NSD2: variants seen among roughly 807,000 people sequenced by gnomAD.
NSD2 encodes the protein histone-lysine N-methyltransferase NSD2.
A neutral mutation model predicts 139.0 loss-of-function variants in NSD2; 12 were observed. That is an observed-to-expected ratio of 0.09 (90% CI 0.06 to 0.14). The LOEUF (loss-of-function observed/expected upper bound fraction) is 0.14. NSD2 is among the 10% of genes least tolerant of loss of function. The probability of loss-of-function intolerance (pLI) is 1.00; values close to 1 mark genes in which losing one functional copy is unlikely to be tolerated. For synonymous variants in NSD2, 669 were observed against 648.7 expected (o/e 1.03, Z -0.48); for missense variants, 1,155 against 1,745.0 (o/e 0.66, Z 6.02).
chr4:1,943,039 C>T, intron 9 of NSD2: 4 of 1,050,660 alleles, frequency 3.8e-6, no homozygotes, highest in African/African-American at 1.7e-5. Flanking sequence ...AGGCCCCGGA[C>T]CAAGGGGATA....
chr4:1,946,571 G>T, intron 9 of NSD2: 2 of 1,019,716 alleles, frequency 2.0e-6, no homozygotes, highest in Non-Finnish European at 2.4e-6. Flanking sequence ...ACCTGGCGGG[G>T]TCTTGCTTAT....
rs772944380 is a variant in NSD2 at position 1,930,598 on chromosome 4, C to T, written c.1411-28C>T. 3.0e-5 allele frequency: 47 copies of T among 1,574,828 alleles called. No individual in the cohort carries two copies. The Middle Eastern group carries it at 1.4e-3, about 46-fold the overall frequency. On this transcript the variant is annotated intron_variant, in intron 5 of 21. Coordinates refer to ENST00000508803, the MANE Select transcript of NSD2 (RefSeq NM_001042424.3). Reference sequence around the variant, plus strand: ...CCAATGAGTTTTACGGATTTAACTTCTCATTGCACCTTCTCCCGTTCCCAC... The same window carrying T: ...CCAATGAGTTTTACGGATTTAACTTTTCATTGCACCTTCTCCCGTTCCCAC...
At chr4:1,880,742 A>G (rs572350121) in intron 1 of NSD2, among the ~76,000 whole-genome samples, 5 of 152,282 alleles carry the variant, frequency 3.3e-5, no homozygotes, top group African/African-American at 1.2e-4. Flanking sequence ...GGGAAACTAT[A>G]AGACCAGTAA....
Position 1,939,718 on chromosome 4 carries a change from A to G in NSD2, c.1821A>G (p.Ala607=). Residue 607 remains alanine, a synonymous_variant, in exon 9 of 22, where the codon GCA becomes GCG. Transcript: ENST00000508803. ...AGCGAAATCGGGCTTCCACGGCAGC[A>G]TCTTCAGCTCTTGGGTTTAGCAAAA... ...LKKRNRASTA[A]SSALGFSKSS... 1 of 1,614,266 alleles carries G rather than the reference A, an allele frequency of 6.2e-7. No individual in the cohort carries two copies.
intron 18 of NSD2, among the ~76,000 whole-genome samples, chr4:1,963,591 G>A (rs1365048836): frequency 6.6e-6 from 1 of 152,238 alleles, no homozygotes; most frequent in Non-Finnish European, 1.5e-5. Flanking sequence ...GAAATGCCAG[G>A]TTGAGCATTT....
chr4:1,918,435 T>C lies in NSD2; in HGVS notation c.1222T>C (p.Ser408Pro). 6.2e-7 allele frequency: 1 copy of C among 1,614,048 alleles called. No homozygotes were observed. Among genetic ancestry groups the C allele is most frequent in the Non-Finnish European group, 8.5e-7 (1 of 1,180,022 alleles). ...KRRRRAKLCS[S>P]AETLESHPDI... ...AAGGCGGAGGGCCAAACTGTGTAGCTCTGCAGAGACCCTGGAGAGTCACCC... is the reference window on the plus strand; with the variant it reads ...AAGGCGGAGGGCCAAACTGTGTAGCCCTGCAGAGACCCTGGAGAGTCACCC... Residue 408 changes from serine to proline, a missense_variant, in exon 5 of 22, where the codon TCT becomes CCT. Coordinates refer to ENST00000508803, the MANE Select transcript of NSD2 (RefSeq NM_001042424.3).
At chr4:1,882,815 C>A (rs915436841) in intron 1 of NSD2, among the ~76,000 whole-genome samples, 2 of 152,220 alleles carry the variant, frequency 1.3e-5, no homozygotes, top group Non-Finnish European at 2.9e-5. Flanking sequence ...GTTAGAAATG[C>A]ACATTTTCAT....
rs761633450 is a variant in NSD2, at chr4:1,956,228, G to A, written c.2881+40G>A. ...AGATAGAGAGTGAGACAGCACTCTC[G>A]TGCATTTTCTTACCCCTAATTTCTA... On this transcript the variant is annotated intron_variant, in intron 15 of 21. Coordinates refer to ENST00000508803, the MANE Select transcript of NSD2 (RefSeq NM_001042424.3). The surrounding 1 kb of genome is among the most constrained non-coding windows in gnomAD (Gnocchi z 5.3). 2.5e-5 allele frequency: 38 copies of A among 1,496,068 alleles called. No homozygotes were observed. The highest frequency in any genetic ancestry group is 4.6e-5 in the East Asian group (2 of 43,334). The allele number at this position is 1,496,068 out of a possible 1,614,324, so 92.7% of individuals were successfully genotyped here. A position where few individuals can be genotyped will look rare whatever the true frequency, so the allele number is the denominator to read the frequency against.
At chr4:1,931,949 A>G (rs568411907) in intron 6 of NSD2, among the ~76,000 whole-genome samples, 2 of 152,340 alleles carry the variant, frequency 1.3e-5, no homozygotes, top group African/African-American at 4.8e-5. Flanking sequence ...AAGTGTAAGC[A>G]TAAATTTGAT....
chr4:1,965,619 C>G (rs1331559643), intron 18 of NSD2, among the ~76,000 whole-genome samples: 1 of 152,198 alleles, frequency 6.6e-6, no homozygotes, highest in Admixed American at 6.5e-5. Context: ...GTGTATTAGT[C>G]TATTTTTACA....
chr4:1,950,167 T>C (rs1724059561), intron 9 of NSD2, among the ~76,000 whole-genome samples: 1 of 152,250 alleles, frequency 6.6e-6, no homozygotes. Flanking sequence ...TTCTCTATTT[T>C]ATTCATTTAA....
At chr4:1,885,972 AAT>A (rs1715049722) in intron 1 of NSD2, among the ~76,000 whole-genome samples, 1 of 152,158 alleles carries the variant, frequency 6.6e-6, no homozygotes, top group Non-Finnish European at 1.5e-5. Flanking sequence ...ATAATCAGAA[AAT>A]ATATTTTATG....
intron 3 of NSD2, among the ~76,000 whole-genome samples, chr4:1,911,324 A>G (rs926889381): frequency 6.6e-6 from 1 of 152,164 alleles, no homozygotes; most frequent in African/African-American, 2.4e-5. Flanking sequence ...GCAGTGGCTC[A>G]TGCCTATAAT....
At chr4:1,904,996 G>GGT (rs1456351006) in intron 3 of NSD2, among the ~76,000 whole-genome samples, 57 of 152,130 alleles carry the variant, frequency 3.7e-4, no homozygotes, top group African/African-American at 1.4e-3. Context: ...CGGACGTGGT[G>GGT]GTGCACGCCT....
chr4:1,979,050 C>T lies in NSD2; in HGVS notation c.*141C>T, dbSNP rs1054907473. ...ACGTACAGGCCTCCTCGGGAGGGAG[C>T]GCCTCCCCACCACTGAGCCATCCTC... On this transcript the variant is annotated 3_prime_UTR_variant, in exon 22 of 22. Coordinates refer to ENST00000508803, the MANE Select transcript of NSD2 (RefSeq NM_001042424.3). 16 of 1,081,354 alleles carry T rather than the reference C, an allele frequency of 1.5e-5. No homozygotes were observed. The highest frequency in any genetic ancestry group is 4.8e-5 in the African/African-American group (3 of 62,576). 67.0% of individuals were successfully genotyped at this position (1,081,354 alleles called of 1,614,324 possible).
intron 6 of NSD2, among the ~76,000 whole-genome samples, chr4:1,934,865 AAAAAAAAAAAAAAAT>A (rs1403484439): frequency 3.9e-5 from 4 of 102,592 alleles, no homozygotes; most frequent in Non-Finnish European, 7.5e-5. Context: ...AAAAAAAAAA[AAAAAAAAAAAAAAAT>A]ATATATATAT....
At chr4:1,947,440 C>G in intron 9 of NSD2, 1 of 1,059,254 alleles carries the variant, frequency 9.4e-7, no homozygotes, top group Non-Finnish European at 1.1e-6. Context: ...CCTCTGTTCT[C>G]AGAGACTCAC....
At chr4:1,965,391 A>G (rs766815181) in intron 18 of NSD2, among the ~76,000 whole-genome samples, 1 of 152,260 alleles carries the variant, frequency 6.6e-6, no homozygotes, top group African/African-American at 2.4e-5. Context: ...GCTACCACCA[A>G]GCAGACCAAT....
intron 9 of NSD2, chr4:1,941,964 CCA>C: frequency 9.2e-7 from 1 of 1,087,828 alleles, no homozygotes; most frequent in Non-Finnish European, 1.1e-6. Flanking sequence ...AGTTAGGTGA[CCA>C]TGAGAATTGC....
Sources: gnomAD v4.1 joint callset for allele counts (sites outside exome capture counted in the v4.1 genomes callset) on GRCh38, gnomAD v4.1.1 for gene constraint, Gnocchi (gnomAD v3.1) non-coding constraint, MANE v1.5 for transcripts, NCBI Gene and HGNC (gene_info 2026-07-23, HGNC 2026-07-21) for gene names.